Variants in SLC47A1 observed in about 807,000 individuals in gnomAD.
SLC47A1 encodes the protein multidrug and toxin extrusion protein 1.
In SLC47A1, 58 loss-of-function variants were observed where a neutral mutation model predicts 65.8. The observed-to-expected ratio is 0.88, with a 90% CI of 0.71 to 1.10. The LOEUF is 1.10. Among genes scored for constraint, SLC47A1 ranks in the 50% least tolerant of loss-of-function variants. The probability of loss-of-function intolerance (pLI) is 0.00; values close to 1 mark genes in which losing one functional copy is unlikely to be tolerated. For missense variants in SLC47A1, 706 were observed against 719.2 expected (o/e 0.98, Z 0.21); for synonymous variants, 285 against 295.0 (o/e 0.97, Z 0.35).
In SLC47A1 at chr17:19,566,975, G is replaced by T. The variant is rs964038562; in HGVS notation, c.1176+116G>T. On this transcript the variant is annotated intron_variant, in intron 13 of 16. Transcript: ENST00000270570. ...AGATTGAATATTGTTACCACATTTC[G>T]TTTAGAAGGATACTGTCACCTTACC... The T allele has an allele frequency of 1.9e-6, 3 of 1,590,404 alleles. No homozygotes were observed. The Admixed American group carries it at 5.1e-5, about 27-fold the overall frequency.
chr17:19,554,499 T>C (rs1483809189), intron 6 of SLC47A1, among the ~76,000 whole-genome samples: 2 of 152,186 alleles, frequency 1.3e-5, no homozygotes, highest in Non-Finnish European at 2.9e-5. Flanking sequence ...ACAACAAAGT[T>C]TCTCAGTGAG....
At chr17:19,539,822 G>GC (rs1384743862) in intron 1 of SLC47A1, among the ~76,000 whole-genome samples, 2 of 152,096 alleles carry the variant, frequency 1.3e-5, no homozygotes, top group African/African-American at 4.8e-5. Flanking sequence ...CAGGGCAAAG[G>GC]CTCCCAGGTG....
At chr17:19,544,671 C>T (rs1300524173) in intron 2 of SLC47A1, among the ~76,000 whole-genome samples, 1 of 152,234 alleles carries the variant, frequency 6.6e-6, no homozygotes, top group African/African-American at 2.4e-5. Flanking sequence ...CCAGTGCCCC[C>T]CAGGGTACGG....
intron 12 of SLC47A1, among the ~76,000 whole-genome samples, chr17:19,562,943 G>A (rs2084324820): frequency 6.6e-6 from 1 of 151,914 alleles, no homozygotes; most frequent in South Asian, 2.1e-4. Context: ...CAAATAAAGG[G>A]GGACGTTACT....
intron 6 of SLC47A1, among the ~76,000 whole-genome samples, chr17:19,554,490 C>G (rs976403436): frequency 5.9e-5 from 9 of 152,186 alleles, no homozygotes; most frequent in Non-Finnish European, 8.8e-5. Context: ...TGATTTTAGA[C>G]AACAAAGTTT....
intron 16 of SLC47A1, among the ~76,000 whole-genome samples, chr17:19,575,054 T>C (rs955209042): frequency 2.0e-5 from 3 of 151,364 alleles, no homozygotes; most frequent in Admixed American, 1.3e-4. Flanking sequence ...AAAATGATTT[T>C]CTTTTTCTCC....
At chr17:19,570,402 G>C (rs1034509655) in intron 14 of SLC47A1, among the ~76,000 whole-genome samples, 1 of 152,196 alleles carries the variant, frequency 6.6e-6, no homozygotes, top group African/African-American at 2.4e-5. Flanking sequence ...GGATAAAAGG[G>C]GAGGCTGCAG....
chr17:19,561,340 T>C (rs2084308719), intron 12 of SLC47A1, among the ~76,000 whole-genome samples: 1 of 151,798 alleles, frequency 6.6e-6, no homozygotes, highest in African/African-American at 2.4e-5. Context: ...GATGTCTGAC[T>C]CATTTGCAAG....
chr17:19,559,760 T>G (rs1000962092), intron 10 of SLC47A1, among the ~76,000 whole-genome samples: 20 of 151,988 alleles, frequency 1.3e-4, no homozygotes, highest in African/African-American at 4.6e-4. Flanking sequence ...CTCAAACTCC[T>G]GACCGCAAGT....
chr17:19,555,908 T>C lies in SLC47A1; in HGVS notation c.852T>C (p.Ser284=). Residue 284 remains serine (S), a splice_region_variant and synonymous_variant, in exon 9 of 17, where the codon AGT becomes AGC. Coordinates refer to ENST00000270570, the MANE Select transcript of SLC47A1 (RefSeq NM_018242.3). ...CCTATGAGGTCGGGAGCTTCCTCAG[T>C]GGTCTGTATGAGGATGGATGACGGG... ...WWAYEVGSFL[S]GILGMVELGA... The C allele has an allele frequency of 6.2e-7, 1 of 1,613,834 alleles. No homozygotes were observed.
At chr17:19,559,116 G>T (rs1002051872) in intron 10 of SLC47A1, among the ~76,000 whole-genome samples, 4 of 152,152 alleles carry the variant, frequency 2.6e-5, no homozygotes, top group African/African-American at 9.7e-5. Flanking sequence ...GACTCATTAA[G>T]TTCCCACAAT....
intron 12 of SLC47A1, chr17:19,564,618 T>C (rs555227851): frequency 1.9e-4 from 29 of 152,366 alleles, no homozygotes; most frequent in African/African-American, 6.3e-4. Context: ...TTTTTGACCA[T>C]GTGCATGTTA....
chr17:19,549,775 G>C, intron 5 of SLC47A1, 98 bp downstream of exon 5: 1 of 1,312,518 alleles, frequency 7.6e-7, no homozygotes, highest in South Asian at 1.2e-5. Flanking sequence ...AGTCTTAGAT[G>C]ATTCTTATCT....
chr17:19,562,469 G>A (rs2440151), intron 12 of SLC47A1, among the ~76,000 whole-genome samples: 27,257 of 151,768 alleles, frequency 0.18, 2,749 homozygotes, highest in East Asian at 0.43. Flanking sequence ...GGAGGCTGAG[G>A]CAGGAGAATC....
At position 19,534,019 on chromosome 17, in the gene SLC47A1, G is replaced by C; in HGVS notation, c.80G>C (p.Arg27Pro). 6.5e-7 allele frequency: 1 copy of C among 1,546,362 alleles called. No homozygotes were observed. The highest frequency in any genetic ancestry group is 8.7e-7 in the Non-Finnish European group (1 of 1,147,038). ...GAGGTCCGTGGGTCGCGCTGCTTGC[G>C]GCTGTCCGCCTTCCGAGAAGAGCTG... ...TLEVRGSRCL[R>P]LSAFREELRA... Residue 27 changes from arginine (R) to proline (P), a missense_variant, in exon 1 of 17, where the codon CGG (arginine) becomes CCG (proline). By Grantham distance (103) the Arg-to-Pro change is moderately radical. Transcript: ENST00000270570.
chr17:19,569,531 G>A (rs891774749), intron 14 of SLC47A1, among the ~76,000 whole-genome samples: 2 of 152,162 alleles, frequency 1.3e-5, no homozygotes, highest in Non-Finnish European at 2.9e-5. Flanking sequence ...AATTGGTTTT[G>A]AGTATTGTGT....
intron 6 of SLC47A1, among the ~76,000 whole-genome samples, chr17:19,554,581 G>A (rs984406510): frequency 1.3e-5 from 2 of 152,162 alleles, no homozygotes; most frequent in African/African-American, 2.4e-5. Context: ...TGGGAGAAAG[G>A]AGGTTTCCTT....
intron 6 of SLC47A1, among the ~76,000 whole-genome samples, chr17:19,554,893 A>G (rs571752951): frequency 6.6e-6 from 1 of 152,152 alleles, no homozygotes; most frequent in South Asian, 2.1e-4. Flanking sequence ...TGCCTTGTTG[A>G]CCCATTTAGC....
intron 16 of SLC47A1, among the ~76,000 whole-genome samples, chr17:19,575,182 T>G (rs2152318046): frequency 2.0e-5 from 3 of 148,136 alleles, no homozygotes. Flanking sequence ...GCAACCTGCC[T>G]GTCTCAGCCT....
Sources: gnomAD v4.1 joint callset for allele counts (sites outside exome capture counted in the v4.1 genomes callset) on GRCh38, gnomAD v4.1.1 for gene constraint, MANE v1.5 for transcripts, NCBI Gene and HGNC (gene_info 2026-07-23, HGNC 2026-07-21) for gene names.